Variants in S100A1 observed in about 807,000 individuals in gnomAD.
S100A1 encodes S100 calcium binding protein A1, also known as protein S100-A1.
S100A1 carries 3 observed loss-of-function variants against 7.6 expected under a neutral mutation model. The observed-to-expected ratio is 0.40, with a 90% CI of 0.18 to 1.02. The LOEUF is 1.02. Ranked by LOEUF, S100A1 falls within the 50% of genes least tolerant of loss-of-function variation. The pLI is 0.35. For missense variants in S100A1, 126 were observed against 115.0 expected, an observed-to-expected ratio of 1.10 and a Z score of -0.44; for synonymous variants, 49 against 49.0, an observed-to-expected ratio of 1.00 and a Z score of 0.00.
intron 2 of S100A1, 143 bp downstream of exon 2, chr1:153,630,805 C>T (rs1667969596): frequency 1.8e-6 from 2 of 1,128,598 alleles, no homozygotes; most frequent in Non-Finnish European, 1.2e-6. Context: ...CTGGGTTTTT[C>T]CAGGCTCCCC....
chr1:153,628,655 C>T lies in S100A1; in HGVS notation c.-14+159C>T. The T allele has an allele frequency of 6.3e-6, 8 of 1,274,540 alleles. No homozygotes were observed. The South Asian group carries it at 6.8e-5, about 11-fold the overall frequency. 79.0% of individuals were successfully genotyped at this position (1,274,540 alleles called of 1,614,324 possible). On this transcript the variant is annotated intron_variant, in intron 1 of 2. Coordinates refer to ENST00000292169, the MANE Select transcript of S100A1 (RefSeq NM_006271.2). ...AGGGCAGTTTGGGATTTGGGGGAGACAGGGTTTGGAAGGTGGTGATGAGAG... is the reference window on the plus strand; with the variant it reads ...AGGGCAGTTTGGGATTTGGGGGAGATAGGGTTTGGAAGGTGGTGATGAGAG...
chr1:153,631,252 A>C, intron 2 of S100A1: 3 of 563,150 alleles, frequency 5.3e-6, no homozygotes, highest in Non-Finnish European at 6.3e-6. Flanking sequence ...TACGGTAGAA[A>C]GTGCACCGGT....
chr1:153,631,260 G>A (rs551998791), intron 2 of S100A1: 16 of 589,760 alleles, frequency 2.7e-5, no homozygotes, highest in Admixed American at 9.1e-5. Context: ...AAAGTGCACC[G>A]GTTTTGAGGT....
chr1:153,631,804 C>A lies in S100A1; in HGVS notation c.248C>A (p.Thr83Lys). Residue 83 changes from threonine (T) to lysine (K), a missense_variant, in exon 3 of 3, where the codon ACA becomes AAA. Physicochemically the swap from Thr to Lys is moderately conservative, Grantham distance 78. Coordinates refer to ENST00000292169, the MANE Select transcript of S100A1 (RefSeq NM_006271.2). Reference sequence around the variant, plus strand: ...TATGTGGTGCTTGTGGCTGCTCTCACAGTGGCCTGTAACAATTTCTTCTGG... The same window carrying A: ...TATGTGGTGCTTGTGGCTGCTCTCAAAGTGGCCTGTAACAATTTCTTCTGG... ...QEYVVLVAAL[T>K]VACNNFFWEN... is the part of the protein sequence containing the mutation. 1 of 1,614,160 alleles carries A rather than the reference C, an allele frequency of 6.2e-7. No individual in the cohort carries two copies. The highest frequency in any genetic ancestry group is 8.5e-7 in the Non-Finnish European group (1 of 1,180,026).
At chr1:153,631,553 C>T (rs1046379) in intron 2 of S100A1, 145 bp from the exon 3 acceptor site, 1,204,989 of 1,613,624 alleles carry the variant, frequency 0.75, 453,949 homozygotes, top group African/African-American at 0.96. Context: ...CCCTCAAGAC[C>T]TTTGAGGAGG....
intron 2 of S100A1, chr1:153,631,293 C>T (rs1667996406): frequency 4.5e-6 from 3 of 670,458 alleles, no homozygotes; most frequent in Non-Finnish European, 7.4e-6. Context: ...GGTTCAAATT[C>T]CAGCCCTGCT....
chr1:153,631,226 T>C (rs971922134), intron 2 of S100A1: 3 of 515,218 alleles, frequency 5.8e-6, no homozygotes, highest in African/African-American at 1.9e-5. Context: ...GGCCCCAAAG[T>C]AAAGAAGCCT....
intron 2 of S100A1, 153 bp from the exon 3 acceptor site, chr1:153,631,545 C>T (rs772433415): frequency 6.2e-7 from 1 of 1,613,932 alleles, no homozygotes; most frequent in South Asian, 1.1e-5. Flanking sequence ...AACAGAAGCC[C>T]TCAAGACCTT....
chr1:153,628,707 A>T (rs1667823694), intron 1 of S100A1: 1 of 843,068 alleles, frequency 1.2e-6, no homozygotes, highest in Non-Finnish European at 1.7e-6. Flanking sequence ...TCGGAGAGAG[A>T]GCTGGCAGCT....
chr1:153,631,298 C>T (rs1215627209), intron 2 of S100A1: 2 of 685,008 alleles, frequency 2.9e-6, no homozygotes, highest in African/African-American at 3.6e-5. Flanking sequence ...AAATTCCAGC[C>T]CTGCTACTTT....
In S100A1 at chr1:153,632,022, C is replaced by T; in HGVS notation, c.*181C>T. ...CCTGCAACTCATCTTTCATTAAAGGCTTCTCTCTCACCAGCCATCCGATGT... is the reference window on the plus strand; with the variant it reads ...CCTGCAACTCATCTTTCATTAAAGGTTTCTCTCTCACCAGCCATCCGATGT... On this transcript the variant is annotated 3_prime_UTR_variant, in exon 3 of 3. Coordinates refer to ENST00000292169, the MANE Select transcript of S100A1 (RefSeq NM_006271.2). 1.6e-6 allele frequency: 1 copy of T among 636,044 alleles called. No homozygotes were observed. The highest frequency in any genetic ancestry group is 2.0e-5 in the South Asian group (1 of 50,184). 39.4% of individuals were successfully genotyped at this position (636,044 alleles called of 1,614,324 possible). A position where few individuals can be genotyped will look rare whatever the true frequency, so the allele number is the denominator to read the frequency against.
In S100A1 at chr1:153,630,941, AACC is replaced by A. The variant is rs1667978436; in HGVS notation, c.141+281_141+283del. The A allele has an allele frequency of 1.1e-5, 5 of 465,016 alleles. No homozygotes were observed. In the East Asian group the frequency reaches 1.7e-4, roughly 16 times the overall value. 28.8% of individuals were successfully genotyped at this position (465,016 alleles called of 1,614,324 possible). A position where few individuals can be genotyped will look rare whatever the true frequency, so the allele number is the denominator to read the frequency against. ...AGGGAAAGATTGACACTTAAAAGTA[AACC>A]ATGAACTCCAGGAAATACACAGAGC... On this transcript the variant is annotated intron_variant, in intron 2 of 2. Transcript: ENST00000292169.
Position 153,630,499 on chromosome 1 carries a change from G to A in S100A1, c.-13-10G>A, listed in dbSNP as rs778284998. 7.4e-6 allele frequency: 12 copies of A among 1,613,168 alleles called. No homozygotes were observed. Among genetic ancestry groups the A allele is most frequent in the African/African-American group, 1.3e-5 (1 of 74,938 alleles). ...GGTCCTCAGCTCACTTCCATGATGG[G>A]GGTGGGTAGGTGCACTGCTGCAATG... On this transcript the variant is annotated splice_polypyrimidine_tract_variant and intron_variant, in intron 1 of 2. Coordinates refer to ENST00000292169, the MANE Select transcript of S100A1 (RefSeq NM_006271.2).
chr1:153,628,443 T>C lies in S100A1; in HGVS notation c.-67T>C, dbSNP rs1262372144. The C allele has an allele frequency of 1.2e-5, 18 of 1,550,592 alleles. No homozygotes were observed. Among genetic ancestry groups the C allele is most frequent in the Non-Finnish European group, 1.6e-5 (18 of 1,146,994 alleles). On this transcript the variant is annotated 5_prime_UTR_variant, in exon 1 of 3. Coordinates refer to ENST00000292169, the MANE Select transcript of S100A1 (RefSeq NM_006271.2). ...CACACACAGCTCCAGCAGCCACATT[T>C]GCAACCTTGGCCATCTGTCCAGAAC...
intron 1 of S100A1, 91 bp from the exon 2 acceptor site, chr1:153,630,418 C>T: frequency 3.4e-6 from 5 of 1,469,254 alleles, no homozygotes; most frequent in Non-Finnish European, 3.7e-6. Context: ...TTTGAGCTGT[C>T]AGCCAGGGCC....
Position 153,628,559 on chromosome 1 carries a change from G to C in S100A1, c.-14+63G>C, listed in dbSNP as rs201734030. 281 of 1,543,566 alleles carry C rather than the reference G, an allele frequency of 1.8e-4. No homozygotes were observed. The East Asian group carries it at 6.6e-3, about 36-fold the overall frequency. On this transcript the variant is annotated intron_variant, in intron 1 of 2. Coordinates refer to ENST00000292169, the MANE Select transcript of S100A1 (RefSeq NM_006271.2). ...CCAGCTTCAGGGAGAGGGGTCTTCA[G>C]AAGGGCTCCAAGAGGCTGGGGACCA...
Position 153,631,977 on chromosome 1 carries a change from C to G in S100A1, c.*136C>G. 1 of 982,024 alleles carries G rather than the reference C, an allele frequency of 1.0e-6. No individual in the cohort carries two copies. The highest frequency in any genetic ancestry group is 1.4e-6 in the Non-Finnish European group (1 of 695,094). The allele number at this position is 982,024 out of a possible 1,614,324, so 60.8% of individuals were successfully genotyped here. ...ACCCCACCCCCACCCCCACCAAGGGCGCAAGAGTAGCGGTCCAAGCCTGCA... is the reference window on the plus strand; with the variant it reads ...ACCCCACCCCCACCCCCACCAAGGGGGCAAGAGTAGCGGTCCAAGCCTGCA... On this transcript the variant is annotated 3_prime_UTR_variant, in exon 3 of 3. Transcript: ENST00000292169.
chr1:153,630,302 T>A lies in S100A1; in HGVS notation c.-13-207T>A, dbSNP rs985369147. 7 of 603,320 alleles carry A rather than the reference T, an allele frequency of 1.2e-5. No homozygotes were observed. The African/African-American group carries it at 1.3e-4, about 11-fold the overall frequency. 37.4% of individuals were successfully genotyped at this position (603,320 alleles called of 1,614,324 possible). On this transcript the variant is annotated intron_variant, in intron 1 of 2. Coordinates refer to ENST00000292169, the MANE Select transcript of S100A1 (RefSeq NM_006271.2). ...GATTCCCTCTGGCTGGGGTACAGAC[T>A]GAGGGACACAGAGAACAGGCCTGCA... is the stretch of plus-strand genomic sequence containing the variant.
At chr1:153,631,379 T>C in intron 2 of S100A1, 1 of 1,312,698 alleles carries the variant, frequency 7.6e-7, no homozygotes, top group Non-Finnish European at 1.0e-6. Flanking sequence ...AGAATGGAAA[T>C]AATGAAACAT....
Sources: gnomAD v4.1 joint callset for allele counts on GRCh38, gnomAD v4.1.1 for gene constraint, MANE v1.5 for transcripts, NCBI Gene and HGNC (gene_info 2026-07-23, HGNC 2026-07-21) for gene names.